URB2: variants seen among roughly 807,000 people sequenced by gnomAD.
URB2 encodes unhealthy ribosome biogenesis protein 2 homolog.
In URB2, 86 loss-of-function variants were observed where a neutral mutation model predicts 120.9. That is an observed-to-expected ratio of 0.71 (90% CI 0.60 to 0.85). The LOEUF (loss-of-function observed/expected upper bound fraction) is 0.85. URB2 is among the 40% of genes least tolerant of loss of function. The pLI, the probability that URB2 is intolerant of heterozygous loss-of-function variation, is 0.00. For synonymous variants in URB2, 755 were observed against 758.4 expected (o/e 1.00, Z 0.07); for missense variants, 1,765 against 1,836.5 (o/e 0.96, Z 0.71).
intron 9 of URB2, among the ~76,000 whole-genome samples, chr1:229,655,502 A>G (rs1298751813): frequency 6.6e-6 from 1 of 152,176 alleles, no homozygotes; most frequent in Non-Finnish European, 1.5e-5. Flanking sequence ...CCAAAGTGCC[A>G]GGATTACAGG....
rs1558165491 is a variant in URB2, at chr1:229,637,232, C to G, written c.2619C>G (p.Asn873Lys). Residue 873 changes from asparagine (N) to lysine (K), a missense_variant, in exon 4 of 10, where the codon AAC (asparagine) becomes AAG (lysine). Asn to Lys is a moderately conservative substitution (Grantham distance 94). Coordinates refer to ENST00000258243, the MANE Select transcript of URB2 (RefSeq NM_014777.4). ...AACCTAGAGGAGAAATTGCCCAGAA[C>G]TTACTGTCCCTGGTCAAGAGTGACT... ...GIEPRGEIAQ[N>K]LLSLVKSDFP... 6.2e-7 allele frequency: 1 copy of G among 1,613,748 alleles called. No homozygotes were observed.
chr1:229,638,227 C>CTGTGAGAA lies in URB2; in HGVS notation c.3615_3622dup (p.Arg1208MetfsTer2), dbSNP rs749549072. The stretch of plus-strand genomic sequence containing the variant: ...TCCGTGTTTACCTCCATGTTTCATT[C>CTGTGAGAA]TGTGAGAAGAGTTCTTGCAGGTAAG... On this transcript the variant is annotated frameshift_variant, in exon 4 of 10. Coordinates refer to ENST00000258243, the MANE Select transcript of URB2 (RefSeq NM_014777.4). LOFTEE classifies it high-confidence loss of function. 2.5e-6 allele frequency: 4 copies of CTGTGAGAA among 1,605,770 alleles called. No homozygotes were observed. The highest frequency in any genetic ancestry group is 3.4e-6 in the Non-Finnish European group (4 of 1,175,756).
intron 8 of URB2, among the ~76,000 whole-genome samples, chr1:229,652,260 G>C (rs1045666195): frequency 6.6e-6 from 1 of 152,120 alleles, no homozygotes; most frequent in Non-Finnish European, 1.5e-5. Context: ...TGCATAGCAT[G>C]TACCAGCCCT....
At position 229,637,236 on chromosome 1, in the gene URB2, C is replaced by G. The variant is rs376650301; in HGVS notation, c.2623C>G (p.Leu875Val). ...TAGAGGAGAAATTGCCCAGAACTTA[C>G]TGTCCCTGGTCAAGAGTGACTTCCC... is the stretch of plus-strand genomic sequence containing the variant. ...EPRGEIAQNLLSLVKSDFPIQ... is the reference protein window; with the variant it reads ...EPRGEIAQNLVSLVKSDFPIQ... Residue 875 changes from leucine to valine, a missense_variant, in exon 4 of 10, where the codon CTG becomes GTG. Leu to Val is a conservative substitution (Grantham distance 32). Coordinates refer to ENST00000258243, the MANE Select transcript of URB2 (RefSeq NM_014777.4). 3.3e-5 allele frequency: 54 copies of G among 1,613,700 alleles called. No homozygotes were observed. Among genetic ancestry groups the G allele is most frequent in the Non-Finnish European group, 4.2e-5 (50 of 1,179,762 alleles).
chr1:229,655,407 T>C (rs896227285), intron 9 of URB2, among the ~76,000 whole-genome samples: 3 of 152,116 alleles, frequency 2.0e-5, no homozygotes, highest in Non-Finnish European at 4.4e-5. Flanking sequence ...TTAATTTTTG[T>C]ATTTTTAGTA....
intron 4 of URB2, among the ~76,000 whole-genome samples, chr1:229,642,027 C>A (rs4925503): frequency 0.15 from 22,826 of 152,066 alleles, 2,361 homozygotes; most frequent in East Asian, 0.42. Context: ...ATAAAAAAAA[C>A]CAATTAAAAT....
chr1:229,632,192 G>A lies in URB2; in HGVS notation c.127-77G>A, dbSNP rs542360640. ...GTGGCAATTGGATTTGCTTATACCTGTAATGTCCCTATAATGTCTAACATC... is the reference window on the plus strand; with the variant it reads ...GTGGCAATTGGATTTGCTTATACCTATAATGTCCCTATAATGTCTAACATC... On this transcript the variant is annotated intron_variant, in intron 2 of 9. Coordinates refer to ENST00000258243, the MANE Select transcript of URB2 (RefSeq NM_014777.4). 11 of 1,350,228 alleles carry A rather than the reference G, an allele frequency of 8.1e-6. No homozygotes were observed. The South Asian group carries it at 2.3e-4, about 28-fold the overall frequency. 83.6% of individuals were successfully genotyped at this position (1,350,228 alleles called of 1,614,324 possible). A position where few individuals can be genotyped will look rare whatever the true frequency, so the allele number is the denominator to read the frequency against.
At chr1:229,632,571 G>A in intron 3 of URB2, 126 bp downstream of exon 3, 1 of 758,764 alleles carries the variant, frequency 1.3e-6, no homozygotes. Context: ...GAAAAAGGAT[G>A]TAATATTATT....
At chr1:229,649,372 G>A (rs1408781407) in intron 7 of URB2, among the ~76,000 whole-genome samples, 1 of 152,132 alleles carries the variant, frequency 6.6e-6, no homozygotes, top group South Asian at 2.1e-4. Flanking sequence ...GTATGTAACT[G>A]TACAATATAA....
chr1:229,653,244 G>A (rs1247474955), intron 8 of URB2, among the ~76,000 whole-genome samples: 1 of 152,082 alleles, frequency 6.6e-6, no homozygotes, highest in African/African-American at 2.4e-5. Flanking sequence ...ATGTCTGTAT[G>A]CTTATTCACG....
intron 7 of URB2, 36 bp downstream of exon 7, chr1:229,647,788 C>T (rs775896471): frequency 2.5e-6 from 4 of 1,600,832 alleles, no homozygotes; most frequent in Non-Finnish European, 2.6e-6. Context: ...GCAGCTTTTC[C>T]TCTGCGAGCA....
chr1:229,637,454 A>G lies in URB2; in HGVS notation c.2841A>G (p.Gln947=), dbSNP rs2102786754. The G allele has an allele frequency of 6.2e-7, 1 of 1,614,100 alleles. No homozygotes were observed. The highest frequency in any genetic ancestry group is 8.5e-7 in the Non-Finnish European group (1 of 1,180,032). ...TCAAGTTCTTGACGACTTGCTACCAACTTCTTGGTTACTTGCAAAAGGGGA... is the reference window on the plus strand; with the variant it reads ...TCAAGTTCTTGACGACTTGCTACCAGCTTCTTGGTTACTTGCAAAAGGGGA... The part of the protein sequence containing the change: ...LALKFLTTCY[Q]LLGYLQKGKS... Residue 947 remains glutamine, a synonymous_variant, in exon 4 of 10, where the codon CAA becomes CAG. Coordinates refer to ENST00000258243, the MANE Select transcript of URB2 (RefSeq NM_014777.4).
intron 7 of URB2, among the ~76,000 whole-genome samples, chr1:229,648,323 AGCTTTAGGATAAGGCAT>A (rs1206100567): frequency 6.6e-6 from 1 of 152,196 alleles, no homozygotes; most frequent in African/African-American, 2.4e-5. Flanking sequence ...CTGGTCCCAA[AGCTTTAGGATAAGGCAT>A]ACACAATCTA....
chr1:229,630,284 AGACTT>A (rs1167079154), intron 2 of URB2, among the ~76,000 whole-genome samples: 3 of 152,262 alleles, frequency 2.0e-5, no homozygotes, highest in African/African-American at 7.2e-5. Context: ...TTAAATAATA[AGACTT>A]GAAAGTCAAA....
chr1:229,644,032 A>G (rs1222532119), intron 5 of URB2, among the ~76,000 whole-genome samples: 1 of 152,282 alleles, frequency 6.6e-6, no homozygotes, highest in African/African-American at 2.4e-5. Context: ...ATACTTCTTG[A>G]AACATGTGGC....
In URB2 at chr1:229,654,364, C is replaced by G. The variant is rs1462093905; in HGVS notation, c.4353C>G (p.Ala1451=). 6.2e-7 allele frequency: 1 copy of G among 1,614,114 alleles called. No homozygotes were observed. Among genetic ancestry groups the G allele is most frequent in the Non-Finnish European group, 8.5e-7 (1 of 1,180,026 alleles). Residue 1451 remains alanine, a synonymous_variant, in exon 9 of 10, where the codon GCC becomes GCG. Coordinates refer to ENST00000258243, the MANE Select transcript of URB2 (RefSeq NM_014777.4). Reference sequence around the variant, plus strand: ...CTGTGTTTTCCCCATTTATGGTGGCCCAGTACGTGTTGGAGGTACAGAAGG... The same window carrying G: ...CTGTGTTTTCCCCATTTATGGTGGCGCAGTACGTGTTGGAGGTACAGAAGG... ...EFAVFSPFMV[A]QYVLEVQKVT...
chr1:229,640,466 A>G (rs963087694), intron 4 of URB2, among the ~76,000 whole-genome samples: 81 of 152,256 alleles, frequency 5.3e-4, no homozygotes, highest in African/African-American at 1.8e-3. Context: ...GGTGGTAACG[A>G]AAGGGCTGGG....
At chr1:229,654,888 T>C (rs1306991718) in intron 9 of URB2, among the ~76,000 whole-genome samples, 1 of 152,240 alleles carries the variant, frequency 6.6e-6, no homozygotes, top group Non-Finnish European at 1.5e-5. Context: ...TGTCTTGCTC[T>C]AGCACAAACT....
At position 229,638,063 on chromosome 1, in the gene URB2, T is replaced by C. The variant is rs116824148; in HGVS notation, c.3450T>C (p.His1150=). 11 of 1,614,154 alleles carry C rather than the reference T, an allele frequency of 6.8e-6. 1 individual carries two copies. The African/African-American group carries it at 1.1e-4, about 16-fold the overall frequency. Residue 1150 remains histidine, a synonymous_variant, in exon 4 of 10, where the codon CAT becomes CAC. Transcript: ENST00000258243. ...GAAGCGACAGGACGCTGCTCTCCCA[T>C]GTTGCCCTCTACCAGGGTGTTTACT... ...SQGSDRTLLS[H]VALYQGVYSQ...
Sources: gnomAD v4.1 joint callset for allele counts (sites outside exome capture counted in the v4.1 genomes callset) on GRCh38, gnomAD v4.1.1 for gene constraint, MANE v1.5 for transcripts, NCBI Gene and HGNC (gene_info 2026-07-23, HGNC 2026-07-21) for gene names.